HTR3B: variants seen among roughly 807,000 people sequenced by gnomAD.
HTR3B encodes 5-hydroxytryptamine (serotonin) receptor 3B, ionotropic.
A neutral mutation model predicts 42.8 loss-of-function variants in HTR3B; 44 were observed. That is an observed-to-expected ratio of 1.03 (90% CI 0.81 to 1.32). The LOEUF (loss-of-function observed/expected upper bound fraction) is 1.32, where lower values mean the gene tolerates loss of function less well. HTR3B is among the 40% of genes most tolerant of loss of function. HTR3B has a pLI of 0.00. For missense variants in HTR3B, 527 were observed against 536.5 expected, an observed-to-expected ratio of 0.98 and a Z score of 0.17; for synonymous variants, 203 against 209.0, an observed-to-expected ratio of 0.97 and a Z score of 0.25.
At chr11:113,914,200 G>A (rs545315587) in intron 2 of HTR3B, among the ~76,000 whole-genome samples, 7 of 152,092 alleles carry the variant, frequency 4.6e-5, no homozygotes, top group African/African-American at 1.2e-4. Flanking sequence ...GGGCGCAGTG[G>A]CTTACGCCTG....
At chr11:113,938,550 A>G (rs1427355164) in intron 6 of HTR3B, among the ~76,000 whole-genome samples, 1 of 152,200 alleles carries the variant, frequency 6.6e-6, no homozygotes, top group Non-Finnish European at 1.5e-5. Flanking sequence ...TCTTATTAAT[A>G]GTACTAACTT....
intron 5 of HTR3B, 98 bp downstream of exon 5, chr11:113,932,556 G>T (rs190887737): frequency 3.1e-4 from 335 of 1,097,404 alleles, no homozygotes; most frequent in Middle Eastern, 6.3e-4. Flanking sequence ...GCAGATAATT[G>T]GCTATTTAAA....
intron 6 of HTR3B, among the ~76,000 whole-genome samples, chr11:113,937,607 G>T (rs1950101522): frequency 6.6e-6 from 1 of 152,190 alleles, no homozygotes. Context: ...ACAAATAAAT[G>T]AATTGAGGTG....
chr11:113,915,861 G>A (rs192380245), intron 2 of HTR3B, among the ~76,000 whole-genome samples: 45 of 151,630 alleles, frequency 3.0e-4, no homozygotes, highest in African/African-American at 1.0e-3. Context: ...TTTTTTAGAC[G>A]GAGTCTTGAT....
At chr11:113,942,040 T>C (rs1190533355) in intron 6 of HTR3B, among the ~76,000 whole-genome samples, 1 of 151,870 alleles carries the variant, frequency 6.6e-6, no homozygotes, top group African/African-American at 2.4e-5. Flanking sequence ...TGCTAAGGAG[T>C]TCAGAATCCA....
chr11:113,916,057 T>C (rs965914437), intron 2 of HTR3B, among the ~76,000 whole-genome samples: 2 of 152,230 alleles, frequency 1.3e-5, no homozygotes, highest in Non-Finnish European at 2.9e-5. Flanking sequence ...GGCTGGTCTC[T>C]AACTCCTGAT....
chr11:113,911,343 G>A (rs564215707), intron 2 of HTR3B, among the ~76,000 whole-genome samples: 30 of 152,094 alleles, frequency 2.0e-4, no homozygotes, highest in Non-Finnish European at 1.2e-4. Flanking sequence ...TGATTCTCCT[G>A]CCTCAGCCTC....
chr11:113,901,213 G>A (rs547608448), upstream of HTR3B, among the ~76,000 whole-genome samples: 13 of 152,174 alleles, frequency 8.5e-5, no homozygotes, highest in Non-Finnish European at 1.6e-4. Context: ...AGGCCAAGGC[G>A]GAAGGATCAC....
intron 2 of HTR3B, among the ~76,000 whole-genome samples, chr11:113,915,349 GT>G (rs1949841963): frequency 6.6e-6 from 1 of 152,092 alleles, no homozygotes; most frequent in South Asian, 2.1e-4. Flanking sequence ...CTTTGTTTGT[GT>G]TTTTGAGATA....
Position 113,945,972 on chromosome 11 carries a change from T to G in HTR3B, c.1161T>G (p.Ser387=), listed in dbSNP as rs1260345471. 2 of 1,614,136 alleles carry G rather than the reference T, an allele frequency of 1.2e-6. No homozygotes were observed. Among genetic ancestry groups the G allele is most frequent in the Non-Finnish European group, 1.7e-6 (2 of 1,180,026 alleles). The change falls in exon 9 of 9, where the codon TCT becomes TCG. Residue 387 remains serine (S), a synonymous_variant. Coordinates refer to ENST00000260191, the MANE Select transcript of HTR3B (RefSeq NM_006028.5). The part of the protein sequence containing the change: ...TLKEVWSQLQ[S]ISNYLQTQDQ... Reference sequence around the variant, plus strand: ...AGGAAGTCTGGTCGCAGCTTCAATCTATCAGCAACTACCTCCAAACTCAGG... The same window carrying G: ...AGGAAGTCTGGTCGCAGCTTCAATCGATCAGCAACTACCTCCAAACTCAGG...
chr11:113,925,470 C>T (rs1438253920), intron 2 of HTR3B, among the ~76,000 whole-genome samples: 2 of 132,610 alleles, frequency 1.5e-5, no homozygotes, highest in African/African-American at 5.7e-5. Flanking sequence ...ATCACCCAGA[C>T]TGGAGTGCAG....
upstream of HTR3B, among the ~76,000 whole-genome samples, chr11:113,903,468 C>T (rs545404176): frequency 1.4e-4 from 19 of 133,264 alleles, no homozygotes; most frequent in Non-Finnish European, 2.3e-4. Context: ...CTCCCTCTGT[C>T]TCCCAGGCTG....
chr11:113,900,641 G>A (rs145370075), upstream of HTR3B, among the ~76,000 whole-genome samples: 332 of 152,242 alleles, frequency 2.2e-3, no homozygotes, highest in African/African-American at 6.6e-3. Flanking sequence ...TAACAGGCAT[G>A]GGCCACCATG....
intron 2 of HTR3B, among the ~76,000 whole-genome samples, chr11:113,919,279 C>T (rs1198424395): frequency 6.6e-6 from 1 of 152,010 alleles, no homozygotes. Context: ...AGTAAAATTC[C>T]ATTTACCTGC....
chr11:113,912,956 T>A (rs2137491710), intron 2 of HTR3B, among the ~76,000 whole-genome samples: 1 of 150,074 alleles, frequency 6.7e-6, no homozygotes, highest in African/African-American at 2.4e-5. Context: ...GGCACAGTCT[T>A]TTTTTAGATA....
chr11:113,912,389 G>A (rs1463173993), intron 2 of HTR3B, among the ~76,000 whole-genome samples: 9 of 152,122 alleles, frequency 5.9e-5, no homozygotes, highest in African/African-American at 1.7e-4. Flanking sequence ...GACTACAGGC[G>A]TGTGCCACGA....
upstream of HTR3B, among the ~76,000 whole-genome samples, chr11:113,903,104 C>T (rs182050033): frequency 3.3e-5 from 5 of 152,246 alleles, no homozygotes; most frequent in South Asian, 2.1e-4. Context: ...TTCCTGGGCT[C>T]AAGCAGTCCT....
intron 7 of HTR3B, 67 bp downstream of exon 7, chr11:113,943,259 A>G: frequency 2.2e-6 from 3 of 1,337,474 alleles, no homozygotes; most frequent in East Asian, 2.5e-5. Context: ...AATGCTGGCC[A>G]GGCATGGTGG....
At chr11:113,899,540 G>A in the HTR3B span, among the ~76,000 whole-genome samples, 16 of 152,298 alleles carry the variant, frequency 1.1e-4, no homozygotes, top group East Asian at 2.5e-3. Flanking sequence ...GAGAGTTAGC[G>A]ATTAACTTCA....
Sources: gnomAD v4.1 joint callset for allele counts (sites outside exome capture counted in the v4.1 genomes callset) on GRCh38, gnomAD v4.1.1 for gene constraint, MANE v1.5 for transcripts, NCBI Gene and HGNC (gene_info 2026-07-23, HGNC 2026-07-21) for gene names.